CDYL: variants seen among roughly 807,000 people sequenced by gnomAD.
CDYL encodes the protein chromodomain Y-like protein.
In CDYL, 8 loss-of-function variants were observed where a neutral mutation model predicts 47.3. The ratio of observed to expected loss-of-function variants is 0.17; its 90% CI spans 0.10 to 0.31. The LOEUF is 0.31. Ranked by LOEUF, CDYL falls within the 10% of genes least tolerant of loss-of-function variation. The probability of loss-of-function intolerance (pLI) is 1.00; values close to 1 mark genes in which losing one functional copy is unlikely to be tolerated. For missense variants in CDYL, 471 were observed against 701.4 expected (o/e 0.67, Z 3.71); for synonymous variants, 266 against 265.0 (o/e 1.00, Z -0.04).
intron 2 of CDYL, among the ~76,000 whole-genome samples, chr6:4,725,713 G>A (rs1226776472): frequency 1.3e-5 from 2 of 152,228 alleles, no homozygotes; most frequent in African/African-American, 4.8e-5. Flanking sequence ...CAAGCTGAGG[G>A]AAGCAGCTCC....
intron 4 of CDYL, 126 bp downstream of exon 4, chr6:4,937,863 A>C: frequency 1.4e-6 from 1 of 696,406 alleles, no homozygotes; most frequent in Non-Finnish European, 2.3e-6. Context: ...GAGAGACACG[A>C]GCAGCAAAAT....
At chr6:4,827,755 A>C (rs952598203) in intron 1 of CDYL, among the ~76,000 whole-genome samples, 1 of 152,146 alleles carries the variant, frequency 6.6e-6, no homozygotes, top group Non-Finnish European at 1.5e-5. Context: ...TCCCAGGGTC[A>C]AGTGATCTCC....
intron 1 of CDYL, among the ~76,000 whole-genome samples, chr6:4,817,558 G>A (rs529303052): frequency 6.6e-6 from 1 of 152,202 alleles, no homozygotes; most frequent in African/African-American, 2.4e-5. Context: ...TAGAAGGTAA[G>A]TGATGTGGGA....
intron 1 of CDYL, chr6:4,714,229 T>A (rs185446916): frequency 6.6e-6 from 1 of 150,470 alleles, no homozygotes; most frequent in African/African-American, 2.5e-5. Context: ...TCGGTGGGTA[T>A]TTACACCTGA....
Position 4,910,261 on chromosome 6 carries a change from A to T in CDYL, c.691+17882A>T, listed in dbSNP as rs115419255. 9.9e-3 allele frequency among the ~76,000 whole-genome samples: 1,502 copies of T among 152,320 alleles called. 7 individuals are homozygous for T. The highest frequency in any genetic ancestry group is 0.032 in the South Asian group (156 of 4,828). On this transcript the variant is annotated intron_variant, in intron 2 of 6. Transcript: ENST00000397588. ...GTCTCACGGCATTAGCACCTGGAACAACACCAGGCAGTGCTCACTTGCTCA... is the reference window on the plus strand; with the variant it reads ...GTCTCACGGCATTAGCACCTGGAACTACACCAGGCAGTGCTCACTTGCTCA...
chr6:4,765,975 G>C (rs955587827), intron 3 of CDYL, among the ~76,000 whole-genome samples: 3 of 152,018 alleles, frequency 2.0e-5, no homozygotes, highest in Non-Finnish European at 2.9e-5. Context: ...AACCAAAAAA[G>C]CTCAAAATTG....
At chr6:4,929,037 T>C (rs1174396204) in intron 2 of CDYL, among the ~76,000 whole-genome samples, 1 of 152,192 alleles carries the variant, frequency 6.6e-6, no homozygotes, top group Non-Finnish European at 1.5e-5. Flanking sequence ...CTGATACTCT[T>C]TATTCCTTTG....
intron 2 of CDYL, among the ~76,000 whole-genome samples, chr6:4,921,518 G>A (rs1757716645): frequency 6.6e-6 from 1 of 152,082 alleles, no homozygotes; most frequent in Non-Finnish European, 1.5e-5. Flanking sequence ...CATTTTCTGA[G>A]CCCTGGAAGA....
At chr6:4,869,051 A>G (rs1761400744) in intron 1 of CDYL, among the ~76,000 whole-genome samples, 1 of 151,784 alleles carries the variant, frequency 6.6e-6, no homozygotes, top group Non-Finnish European at 1.5e-5. Context: ...TCTCTTGCAG[A>G]CAGCATATGG....
At chr6:4,944,385 G>C (rs1758450740) in intron 5 of CDYL, among the ~76,000 whole-genome samples, 1 of 152,220 alleles carries the variant, frequency 6.6e-6, no homozygotes, top group Non-Finnish European at 1.5e-5. Flanking sequence ...CACAGAGGAA[G>C]AGGTCAAAGT....
chr6:4,938,421 A>T (rs894323143), intron 4 of CDYL, among the ~76,000 whole-genome samples: 1 of 152,200 alleles, frequency 6.6e-6, no homozygotes, highest in Non-Finnish European at 1.5e-5. Context: ...ACATTTTGTT[A>T]TAATTTTCAG....
chr6:4,819,779 T>C (rs947917680), intron 1 of CDYL, among the ~76,000 whole-genome samples: 1 of 152,192 alleles, frequency 6.6e-6, no homozygotes, highest in South Asian at 2.1e-4. Flanking sequence ...CATAGCCAGG[T>C]TGGGGTTGAG....
intron 1 of CDYL, among the ~76,000 whole-genome samples, chr6:4,862,329 G>A (rs1761193258): frequency 6.6e-6 from 1 of 152,142 alleles, no homozygotes; most frequent in Non-Finnish European, 1.5e-5. Context: ...GAGGGGGTGG[G>A]ATGAGTTAAT....
intron 1 of CDYL, among the ~76,000 whole-genome samples, chr6:4,834,560 GC>G: frequency 6.7e-6 from 1 of 149,494 alleles, no homozygotes; most frequent in African/African-American, 2.5e-5. Context: ...TCTTGGAGTT[GC>G]TCTTCTCGAG....
At chr6:4,940,673 C>T (rs560779594) in intron 4 of CDYL, among the ~76,000 whole-genome samples, 1 of 152,350 alleles carries the variant, frequency 6.6e-6, no homozygotes, top group African/African-American at 2.4e-5. Flanking sequence ...CTTTTGAAGT[C>T]TGCCAGAACC....
At chr6:4,734,683 A>G in intron 2 of CDYL, 1 of 1,559,498 alleles carries the variant, frequency 6.4e-7, no homozygotes, top group South Asian at 1.2e-5. Context: ...AAGTTGGGGG[A>G]TGGGGATGGA....
chr6:4,914,663 C>T (rs192683015), intron 2 of CDYL, among the ~76,000 whole-genome samples: 2 of 152,214 alleles, frequency 1.3e-5, no homozygotes, highest in African/African-American at 2.4e-5. Flanking sequence ...CGGGCCTATT[C>T]TTCATTCTGA....
At chr6:4,936,328 T>C (rs1758191503) in intron 3 of CDYL, among the ~76,000 whole-genome samples, 1 of 152,192 alleles carries the variant, frequency 6.6e-6, no homozygotes, top group Admixed American at 6.5e-5. Context: ...TTTCCAGAAC[T>C]GGTTGTTGGA....
At chr6:4,923,507 T>C (rs1017755161) in intron 2 of CDYL, among the ~76,000 whole-genome samples, 1 of 152,210 alleles carries the variant, frequency 6.6e-6, no homozygotes, top group Non-Finnish European at 1.5e-5. Context: ...TCTTGGCTAT[T>C]GTGAATACTG....
Sources: gnomAD v4.1 joint callset for allele counts (sites outside exome capture counted in the v4.1 genomes callset) on GRCh38, gnomAD v4.1.1 for gene constraint, MANE v1.5 for transcripts, NCBI Gene and HGNC (gene_info 2026-07-23, HGNC 2026-07-21) for gene names.